The following BICD1 variants were observed in gnomAD, a reference collection of about 807,000 sequenced individuals.
BICD1 encodes protein bicaudal D homolog 1.
BICD1 carries 35 observed loss-of-function variants against 92.5 expected under a neutral mutation model. That is an observed-to-expected ratio of 0.38 (90% CI 0.29 to 0.50). The LOEUF (loss-of-function observed/expected upper bound fraction) is 0.50, where lower values mean the gene tolerates loss of function less well. Ranked by LOEUF, BICD1 falls within the 20% of genes least tolerant of loss-of-function variation. The pLI, the probability that BICD1 is intolerant of heterozygous loss-of-function variation, is 0.93. For missense variants in BICD1, 950 were observed against 1,189.8 expected (o/e 0.80, Z 2.97); for synonymous variants, 429 against 465.1 (o/e 0.92, Z 1.00).
chr12:32,232,915 T>C (rs904159778), intron 2 of BICD1, among the ~76,000 whole-genome samples: 1 of 152,186 alleles, frequency 6.6e-6, no homozygotes, highest in African/African-American at 2.4e-5. Flanking sequence ...TGGCCTGATA[T>C]GACAGTGACA....
At chr12:32,334,798 G>A (rs1938032588) in intron 6 of BICD1, 131 bp downstream of exon 6, 2 of 998,476 alleles carry the variant, frequency 2.0e-6, no homozygotes, top group Non-Finnish European at 2.8e-6. Context: ...AAGAAAATCT[G>A]TGGAAGTCCA....
At chr12:32,113,552 AT>A (rs553104312) in intron 1 of BICD1, among the ~76,000 whole-genome samples, 1 of 148,286 alleles carries the variant, frequency 6.7e-6, no homozygotes, top group African/African-American at 2.5e-5. Flanking sequence ...TGCCTGGCTA[AT>A]TTTTTTTTGA....
At chr12:32,332,485 C>T (rs1937921801) in intron 5 of BICD1, 1 of 969,158 alleles carries the variant, frequency 1.0e-6, no homozygotes, top group Middle Eastern at 5.3e-4. Context: ...TCAGTAAATG[C>T]TTATGAAGCA....
chr12:32,305,076 A>G (rs1004608803), intron 3 of BICD1, among the ~76,000 whole-genome samples: 1 of 152,196 alleles, frequency 6.6e-6, no homozygotes, highest in East Asian at 1.9e-4. Context: ...ATTTTTTGTT[A>G]CTGGATAGTT....
intron 1 of BICD1, among the ~76,000 whole-genome samples, chr12:32,119,554 C>T: frequency 6.6e-6 from 1 of 152,068 alleles, no homozygotes; most frequent in Non-Finnish European, 1.5e-5. Context: ...ACTAAATGAC[C>T]CCATGGGCGT....
intron 1 of BICD1, among the ~76,000 whole-genome samples, chr12:32,189,532 T>C (rs140337482): frequency 2.0e-5 from 3 of 152,314 alleles, no homozygotes; most frequent in African/African-American, 7.2e-5. Flanking sequence ...ACCAGCCAAG[T>C]ATAACTAGAC....
intron 9 of BICD1, among the ~76,000 whole-genome samples, chr12:32,376,144 C>T (rs1365609763): frequency 1.4e-5 from 2 of 148,046 alleles, no homozygotes; most frequent in African/African-American, 2.5e-5. Context: ...AGTACAGTGG[C>T]GCCATCTTGG....
At chr12:32,142,499 T>C (rs919878726) in intron 1 of BICD1, among the ~76,000 whole-genome samples, 16 of 139,596 alleles carry the variant, frequency 1.1e-4, no homozygotes. Context: ...TTGGTCTATC[T>C]ATCTAGATAA....
At chr12:32,199,439 G>T (rs138404435) in intron 1 of BICD1, among the ~76,000 whole-genome samples, 2 of 152,068 alleles carry the variant, frequency 1.3e-5, no homozygotes, top group African/African-American at 4.8e-5. Context: ...CCAAACTGAG[G>T]GTTGGGCTGC....
chr12:32,376,387 G>A (rs945890177), intron 9 of BICD1, among the ~76,000 whole-genome samples: 9 of 151,324 alleles, frequency 5.9e-5, no homozygotes, highest in East Asian at 2.0e-4. Flanking sequence ...GCGCCCGGCC[G>A]CTAGTCAAAT....
chr12:32,373,227 T>A (rs1939805212), intron 9 of BICD1, among the ~76,000 whole-genome samples: 1 of 152,166 alleles, frequency 6.6e-6, no homozygotes, highest in African/African-American at 2.4e-5. Flanking sequence ...CTTGAAAATA[T>A]TTAGCAATCA....
chr12:32,310,067 G>A (rs1592652485), intron 4 of BICD1, among the ~76,000 whole-genome samples: 1 of 152,178 alleles, frequency 6.6e-6, no homozygotes, highest in East Asian at 1.9e-4. Context: ...GAGGGGCACA[G>A]GCAAGGCTGT....
rs560999736 is a variant in BICD1, at chr12:32,337,225, C to T, written c.2253-274C>T. On this transcript the variant is annotated intron_variant, in intron 6 of 9. Transcript: ENST00000652176. This position sits in a 1 kb window ranked among gnomAD's most constrained non-coding sequence, Gnocchi z 4.7. ...TCACGCCACTGCACTCCAGCCTGGG[C>T]GATACAGCGAGACTCAGTCTCAAAA... is the stretch of plus-strand genomic sequence containing the variant. Among the ~76,000 whole-genome samples the T allele has an allele frequency of 2.8e-4, 42 of 152,080 alleles. No individual in the cohort carries two copies. The South Asian group carries it at 7.7e-3, about 28-fold the overall frequency.
chr12:32,161,135 A>C (rs1436237788), intron 1 of BICD1, among the ~76,000 whole-genome samples: 1 of 152,200 alleles, frequency 6.6e-6, no homozygotes, highest in Non-Finnish European at 1.5e-5. Flanking sequence ...TGCAATCTTT[A>C]ACATGACTTA....
chr12:32,288,181 T>TG (rs1947625566), intron 2 of BICD1, among the ~76,000 whole-genome samples: 1 of 151,840 alleles, frequency 6.6e-6, no homozygotes. Context: ...TGTGATTAAT[T>TG]GGGGGCCATT....
chr12:32,242,683 T>G (rs113525582), intron 2 of BICD1, among the ~76,000 whole-genome samples: 8 of 152,352 alleles, frequency 5.3e-5, no homozygotes, highest in African/African-American at 1.9e-4. Context: ...GTGGAAATCC[T>G]TTCCACTGGT....
chr12:32,163,213 T>C (rs967440599), intron 1 of BICD1, among the ~76,000 whole-genome samples: 1 of 152,102 alleles, frequency 6.6e-6, no homozygotes, highest in Non-Finnish European at 1.5e-5. Context: ...ATAATAGATT[T>C]TCATATAACA....
At chr12:32,159,390 A>G (rs1207875739) in intron 1 of BICD1, among the ~76,000 whole-genome samples, 1 of 152,180 alleles carries the variant, frequency 6.6e-6, no homozygotes, top group South Asian at 2.1e-4. Context: ...GAGGGATGGA[A>G]GAGAGAAATA....
intron 1 of BICD1, among the ~76,000 whole-genome samples, chr12:32,194,034 G>T (rs1490133522): frequency 1.3e-5 from 2 of 152,152 alleles, no homozygotes; most frequent in Non-Finnish European, 2.9e-5. Context: ...GAGATGCAAG[G>T]ATGGTTCAAA....
Sources: allele counts gnomAD v4.1 joint callset (sites outside exome capture counted in the v4.1 genomes callset), GRCh38; gene constraint gnomAD v4.1.1; non-coding constraint Gnocchi (gnomAD v3.1); transcripts MANE v1.5; gene names NCBI Gene and HGNC (gene_info 2026-07-23, HGNC 2026-07-21).